EML4: variants seen among roughly 807,000 people sequenced by gnomAD.
EML4 encodes EMAP like 4, also known as echinoderm microtubule-associated protein-like 4.
A neutral mutation model predicts 129.0 loss-of-function variants in EML4; 72 were observed. That is an observed-to-expected ratio of 0.56 (90% CI 0.46 to 0.68). The LOEUF is 0.68. Ranked by LOEUF, EML4 falls within the 30% of genes least tolerant of loss-of-function variation. The pLI, the probability that EML4 is intolerant of heterozygous loss-of-function variation, is 0.00. For missense variants in EML4, 1,363 were observed against 1,190.6 expected, an observed-to-expected ratio of 1.14 and a Z score of -2.13; for synonymous variants, 532 against 405.0, an observed-to-expected ratio of 1.31 and a Z score of -3.77.
At chr2:42,261,699 C>G (rs955595843) in intron 4 of EML4, among the ~76,000 whole-genome samples, 2 of 152,112 alleles carry the variant, frequency 1.3e-5, no homozygotes. Context: ...TCATTACAAC[C>G]TTCAACCTGC....
At chr2:42,261,497 GAAAA>G (rs10573221) in intron 4 of EML4, 202 of 219,516 alleles carry the variant, frequency 9.2e-4, no homozygotes, top group East Asian at 1.6e-3. Flanking sequence ...GTTAAAACTG[GAAAA>G]AAAAAAAAAA....
At chr2:42,313,552 T>A (rs1669076079) in intron 17 of EML4, among the ~76,000 whole-genome samples, 1 of 152,208 alleles carries the variant, frequency 6.6e-6, no homozygotes, top group African/African-American at 2.4e-5. Flanking sequence ...TTCAAGCCCT[T>A]TTCTCTCTTC....
chr2:42,178,504 C>G (rs1670746330), intron 1 of EML4, among the ~76,000 whole-genome samples: 1 of 152,130 alleles, frequency 6.6e-6, no homozygotes, highest in Non-Finnish European at 1.5e-5. Context: ...TGATATGCCA[C>G]TGCACTCCAG....
At position 42,331,376 on chromosome 2, in the gene EML4, T is replaced by A. The variant is rs1572774699; in HGVS notation, c.*1169T>A. 2 of 225,260 alleles carry A rather than the reference T, an allele frequency of 8.9e-6. No individual in the cohort carries two copies. Among genetic ancestry groups the A allele is most frequent in the East Asian group, 1.3e-4 (2 of 15,468 alleles). The allele number at this position is 225,260 out of a possible 1,614,324, so 14.0% of individuals were successfully genotyped here. The stretch of plus-strand genomic sequence containing the variant: ...GTCTAATGTGGCTATCCTACTCTTT[T>A]GGGCAATGCATGTATTATGCATTGG... On this transcript the variant is annotated 3_prime_UTR_variant, in exon 23 of 23. Coordinates refer to ENST00000318522, the MANE Select transcript of EML4 (RefSeq NM_019063.5).
chr2:42,219,697 T>A (rs1376588326), intron 1 of EML4, among the ~76,000 whole-genome samples: 1 of 151,992 alleles, frequency 6.6e-6, no homozygotes, highest in Non-Finnish European at 1.5e-5. Flanking sequence ...GTGGGCAGAT[T>A]ACTTGACATC....
chr2:42,235,779 C>G (rs1393348280), intron 1 of EML4, among the ~76,000 whole-genome samples: 1 of 152,012 alleles, frequency 6.6e-6, no homozygotes, highest in Non-Finnish European at 1.5e-5. Flanking sequence ...GGCCTCAAAA[C>G]TGTCATAAAG....
chr2:42,288,356 G>C (rs1355570966), intron 11 of EML4, 34 bp downstream of exon 11: 1 of 1,085,362 alleles, frequency 9.2e-7, no homozygotes, highest in Admixed American at 1.9e-5. Context: ...TTGTGTTTTA[G>C]AGTACGTTAC....
intron 19 of EML4, among the ~76,000 whole-genome samples, chr2:42,324,848 G>A (rs1443441998): frequency 1.3e-5 from 2 of 152,158 alleles, no homozygotes; most frequent in East Asian, 1.9e-4. Flanking sequence ...GAAAACCTAA[G>A]CAGAAAAAGA....
At chr2:42,174,849 G>A (rs1447762485) in intron 1 of EML4, among the ~76,000 whole-genome samples, 3 of 151,614 alleles carry the variant, frequency 2.0e-5, no homozygotes, top group African/African-American at 7.3e-5. Context: ...ACAGAGTCTT[G>A]CTCTGTTGCC....
chr2:42,280,558 A>G (rs1666948112), intron 6 of EML4, among the ~76,000 whole-genome samples: 1 of 152,240 alleles, frequency 6.6e-6, no homozygotes, highest in Non-Finnish European at 1.5e-5. Context: ...TTCACATCAT[A>G]TTATGAGTAA....
chr2:42,269,372 A>G (rs1193185307), intron 6 of EML4, among the ~76,000 whole-genome samples: 3 of 152,210 alleles, frequency 2.0e-5, no homozygotes, highest in African/African-American at 4.8e-5. Flanking sequence ...TCTTTATCAG[A>G]TATACATTTT....
chr2:42,261,706 C>G (rs1665748976), intron 4 of EML4, among the ~76,000 whole-genome samples: 1 of 152,142 alleles, frequency 6.6e-6, no homozygotes, highest in Non-Finnish European at 1.5e-5. Context: ...AACCTTCAAC[C>G]TGCAAGGGCC....
At chr2:42,281,316 C>G (rs1381437172) in intron 7 of EML4, among the ~76,000 whole-genome samples, 2 of 151,600 alleles carry the variant, frequency 1.3e-5, no homozygotes, top group African/African-American at 4.9e-5. Flanking sequence ...TCACTTGAAC[C>G]CGGGAGGCGG....
intron 1 of EML4, among the ~76,000 whole-genome samples, chr2:42,240,146 C>T (rs1179958870): frequency 6.6e-6 from 1 of 152,090 alleles, no homozygotes; most frequent in African/African-American, 2.4e-5. Flanking sequence ...AAGTTATTTG[C>T]ATTCTCCTTT....
chr2:42,309,793 A>C (rs1273350170), intron 17 of EML4, among the ~76,000 whole-genome samples: 2 of 152,174 alleles, frequency 1.3e-5, no homozygotes, highest in Non-Finnish European at 2.9e-5. Context: ...TTCCTTACAG[A>C]TCTTTTTCAA....
chr2:42,280,807 C>T (rs996329763), intron 6 of EML4, 43 bp from the exon 7 acceptor site: 2 of 1,514,734 alleles, frequency 1.3e-6, no homozygotes, highest in Non-Finnish European at 9.0e-7. Context: ...TATGACTATA[C>T]AGAAAATACG....
At chr2:42,312,851 C>CCTGCCTGTCAGAAAACTTTTAAAT (rs1669037184) in intron 17 of EML4, among the ~76,000 whole-genome samples, 1 of 151,592 alleles carries the variant, frequency 6.6e-6, no homozygotes, top group African/African-American at 2.4e-5. Flanking sequence ...CTGCGCCTGG[C>CCTGCCTGTCAGAAAACTTTTAAAT]CTGCCTGTCA....
At chr2:42,294,037 TAA>T (rs1435720690) in intron 11 of EML4, among the ~76,000 whole-genome samples, 2 of 152,242 alleles carry the variant, frequency 1.3e-5, no homozygotes, top group African/African-American at 4.8e-5. Flanking sequence ...GGCATGTAGT[TAA>T]GTTTCACCTC....
intron 1 of EML4, among the ~76,000 whole-genome samples, chr2:42,216,230 CTTTTTTTTTTTTTT>C (rs61417977): frequency 6.5e-4 from 28 of 43,378 alleles, no homozygotes; most frequent in Middle Eastern, 0.031. Flanking sequence ...CGGCCCACTT[CTTTTTTTTTTTTTT>C]TTTTTTTTTT....
Sources: gnomAD v4.1 joint callset for allele counts (sites outside exome capture counted in the v4.1 genomes callset) on GRCh38, gnomAD v4.1.1 for gene constraint, MANE v1.5 for transcripts, NCBI Gene and HGNC (gene_info 2026-07-23, HGNC 2026-07-21) for gene names.